Variants in HEATR4 observed in about 807,000 individuals in gnomAD.
HEATR4 encodes the protein HEAT repeat-containing protein 4.
HEATR4 carries 95 observed loss-of-function variants against 108.8 expected under a neutral mutation model. The observed-to-expected ratio is 0.87, with a 90% confidence interval of 0.74 to 1.04. The LOEUF (loss-of-function observed/expected upper bound fraction) is 1.04. HEATR4 is among the 50% of genes least tolerant of loss of function. The pLI is 0.00. For synonymous variants in HEATR4, 443 were observed against 459.4 expected (o/e 0.96, Z 0.46); for missense variants, 1,152 against 1,253.8 (o/e 0.92, Z 1.23).
chr14:73,569,994 A>G, the HEATR4 span: 9 of 1,429,344 alleles, frequency 6.3e-6, 1 homozygote, highest in Non-Finnish European at 8.3e-6. Flanking sequence ...CCCCCGGGCT[A>G]TATTGCCCAG....
chr14:73,488,310 G>A (rs755091589), intron 17 of HEATR4, among the ~76,000 whole-genome samples: 5 of 152,104 alleles, frequency 3.3e-5, no homozygotes, highest in African/African-American at 9.7e-5. Context: ...TCGCTGTGTC[G>A]CCCAGGCTGG....
the HEATR4 span, among the ~76,000 whole-genome samples, chr14:73,610,183 A>G: frequency 6.6e-6 from 1 of 152,028 alleles, no homozygotes; most frequent in Non-Finnish European, 1.5e-5. Context: ...CACAGCTCCA[A>G]GCAAGCCTGA....
chr14:73,599,657 C>A, the HEATR4 span, among the ~76,000 whole-genome samples: 1 of 152,194 alleles, frequency 6.6e-6, no homozygotes, highest in East Asian at 1.9e-4. Context: ...TCTGCATGAC[C>A]TTTGTTCAGC....
chr14:73,624,121 T>C, the HEATR4 span, among the ~76,000 whole-genome samples: 4 of 151,992 alleles, frequency 2.6e-5, no homozygotes, highest in African/African-American at 9.7e-5. Context: ...ACCCTGTTTC[T>C]ACAAATATAT....
chr14:73,490,957 C>T lies in HEATR4; in HGVS notation c.2844+2109G>A, dbSNP rs144108591. On this transcript the variant is annotated intron_variant, in intron 17 of 17. Transcript: ENST00000553558. Reference sequence around the variant, plus strand: ...CAGAGTGCACCGCAGCCGCTGCATTCAGGAACCGCTTTAGCTTCGCCCCCG... The same window carrying T: ...CAGAGTGCACCGCAGCCGCTGCATTTAGGAACCGCTTTAGCTTCGCCCCCG... The T allele has an allele frequency of 6.5e-4, 845 of 1,292,040 alleles. 7 individuals carry two copies. In the African/African-American group the frequency reaches 0.012, roughly 19 times the overall value. 80.0% of individuals were successfully genotyped at this position (1,292,040 alleles called of 1,614,324 possible).
chr14:73,520,346 A>T (rs1240701527), intron 4 of HEATR4: 1 of 153,376 alleles, frequency 6.5e-6, no homozygotes. Flanking sequence ...CTCAAAGTGC[A>T]TTTTTGTTAA....
the HEATR4 span, among the ~76,000 whole-genome samples, chr14:73,567,178 C>G: frequency 2.6e-5 from 4 of 152,032 alleles, 1 homozygote; most frequent in South Asian, 8.3e-4. Flanking sequence ...CTTAAGCAAC[C>G]CTGCCACCTC....
chr14:73,545,609 T>C (rs868638779), intron 1 of HEATR4, among the ~76,000 whole-genome samples: 2 of 74,820 alleles, frequency 2.7e-5, no homozygotes, highest in African/African-American at 8.3e-5. Context: ...CAGTTGCTCA[T>C]AGCTGGCCTG....
upstream of HEATR4, among the ~76,000 whole-genome samples, chr14:73,560,524 G>A (rs1330838855): frequency 4.6e-5 from 7 of 151,744 alleles, no homozygotes; most frequent in Admixed American, 2.6e-4. Context: ...TTAGCCAGGC[G>A]TGGTGGCAGG....
chr14:73,530,142 T>C lies in HEATR4; in HGVS notation c.-73+24A>G, dbSNP rs1174348580. 2.2e-5 allele frequency: 3 copies of C among 136,226 alleles called. 1 individual carries two copies. The highest frequency in any genetic ancestry group is 7.8e-5 in the African/African-American group (3 of 38,420). The allele number at this position is 136,226 out of a possible 1,614,324, so 8.4% of individuals were successfully genotyped here. On this transcript the variant is annotated intron_variant, in intron 2 of 17. Transcript: ENST00000553558. ...CATGCCTGGCTAATGTTTTAAAACT[T>C]TTTTTGTAGAGACAGGGTCTTACTA...
intron 1 of HEATR4, chr14:73,538,025 C>CAACA: frequency 1.3e-6 from 1 of 744,538 alleles, no homozygotes; most frequent in Non-Finnish European, 1.8e-6. Flanking sequence ...CCACCCCGGG[C>CAACA]TATGTTGCCC....
chr14:73,524,214 C>G (rs1389543254), intron 2 of HEATR4, among the ~76,000 whole-genome samples: 1 of 147,530 alleles, frequency 6.8e-6, no homozygotes, highest in Non-Finnish European at 1.5e-5. Flanking sequence ...ATTGCTTGAA[C>G]CCAGGGTGGG....
Position 73,509,392 on chromosome 14 carries a change from A to G in HEATR4, c.1640T>C (p.Met547Thr), listed in dbSNP as rs1887059262. The change falls in exon 8 of 18, where the codon ATG (methionine) becomes ACG (threonine). Residue 547 changes from methionine to threonine, a missense_variant. Met to Thr is a moderately conservative substitution (Grantham distance 81). Transcript: ENST00000553558. Reference protein sequence around the residue: ...ALCDKNAHVRMAAAICQYAIQ... With the variant: ...ALCDKNAHVRTAAAICQYAIQ... The stretch of plus-strand genomic sequence containing the variant: ...GGCATATTGGCATATTGCTGCTGCC[A>G]TCCGCACATGGGCATTCTTGTCACA... 1.9e-6 allele frequency: 3 copies of G among 1,614,146 alleles called. No homozygotes were observed. The highest frequency in any genetic ancestry group is 1.7e-6 in the Non-Finnish European group (2 of 1,180,020).
chr14:73,622,471 C>T, the HEATR4 span, among the ~76,000 whole-genome samples: 394 of 152,178 alleles, frequency 2.6e-3, 3 homozygotes, highest in African/African-American at 8.4e-3. Context: ...GGTGCGATCT[C>T]GGCTCACCGC....
chr14:73,565,386 TC>T, the HEATR4 span, among the ~76,000 whole-genome samples: 36 of 148,332 alleles, frequency 2.4e-4, no homozygotes, highest in Admixed American at 1.3e-4. Context: ...CTTTTTCTTT[TC>T]CTTTTTTTTT....
chr14:73,561,985 G>C (rs544528577), upstream of HEATR4, among the ~76,000 whole-genome samples: 1 of 152,152 alleles, frequency 6.6e-6, no homozygotes, highest in East Asian at 1.9e-4. Context: ...AATTCCTGGG[G>C]AGAGTGAAGT....
intron 15 of HEATR4, among the ~76,000 whole-genome samples, chr14:73,495,624 G>C (rs940084542): frequency 3.3e-5 from 5 of 152,006 alleles, no homozygotes; most frequent in African/African-American, 1.2e-4. Flanking sequence ...CTTATCAGTA[G>C]TAGGTGGTAC....
At chr14:73,573,577 T>C in the HEATR4 span, 1 of 1,613,794 alleles carries the variant, frequency 6.2e-7, no homozygotes, top group Non-Finnish European at 8.5e-7. Flanking sequence ...AACTACTTGC[T>C]CAGTCATCCC....
chr14:73,528,392 C>CAAAAA (rs371875141), intron 2 of HEATR4, among the ~76,000 whole-genome samples: 930 of 88,252 alleles, frequency 0.011, 95 homozygotes, highest in African/African-American at 0.039. Flanking sequence ...AACTTCATCT[C>CAAAAA]AAAAAAAAAA....
Sources: gnomAD v4.1 joint callset for allele counts (sites outside exome capture counted in the v4.1 genomes callset) on GRCh38, gnomAD v4.1.1 for gene constraint, MANE v1.5 for transcripts, NCBI Gene and HGNC (gene_info 2026-07-23, HGNC 2026-07-21) for gene names.